The following CLIC5 variants were observed in gnomAD, a reference collection of about 807,000 sequenced individuals.
CLIC5 encodes the protein chloride intracellular channel protein 5.
In CLIC5, 20 loss-of-function variants were observed where a neutral mutation model predicts 24.7. The observed-to-expected ratio is 0.81, with a 90% CI of 0.57 to 1.18. CLIC5 has a LOEUF of 1.18. Among genes scored for constraint, CLIC5 ranks in the 50% most tolerant of loss-of-function variants. The probability of loss-of-function intolerance (pLI) is 0.00; values close to 1 mark genes in which losing one functional copy is unlikely to be tolerated. For synonymous variants in CLIC5, 159 were observed against 135.6 expected (o/e 1.17, Z -1.20); for missense variants, 341 against 326.1 (o/e 1.05, Z -0.35).
chr6:45,919,334 G>T (rs905339781), intron 4 of CLIC5, among the ~76,000 whole-genome samples: 1 of 152,116 alleles, frequency 6.6e-6, no homozygotes, highest in African/African-American at 2.4e-5. Flanking sequence ...GCGAATACAG[G>T]TTCTGCATTT....
At chr6:46,034,041 G>T (rs917358934) in intron 1 of CLIC5, among the ~76,000 whole-genome samples, 2 of 152,214 alleles carry the variant, frequency 1.3e-5, no homozygotes, top group East Asian at 3.8e-4. Context: ...CAAACACAAA[G>T]CTACTATTGG....
intron 4 of CLIC5, among the ~76,000 whole-genome samples, chr6:45,936,096 C>CATCTAAAG (rs2127358485): frequency 6.6e-6 from 1 of 151,544 alleles, no homozygotes; most frequent in East Asian, 2.0e-4. Context: ...TCGTCTTAAT[C>CATCTAAAG]ATCTAAAGAT....
intron 6 of CLIC5, among the ~76,000 whole-genome samples, chr6:45,889,264 C>T (rs1247453748): frequency 1.3e-5 from 2 of 152,162 alleles, no homozygotes; most frequent in Admixed American, 1.3e-4. Flanking sequence ...TGTATCCTCA[C>T]ATGGTGGAGG....
At chr6:46,110,026 G>C in the CLIC5 span, among the ~76,000 whole-genome samples, 1 of 152,114 alleles carries the variant, frequency 6.6e-6, no homozygotes, top group East Asian at 1.9e-4. Flanking sequence ...AGAATCCAGG[G>C]CTTGTGGCTC....
chr6:46,004,139 T>C (rs1473715472), intron 1 of CLIC5, among the ~76,000 whole-genome samples: 1 of 152,196 alleles, frequency 6.6e-6, no homozygotes. Context: ...GGAATCGATG[T>C]CATACAGGAG....
the CLIC5 span, among the ~76,000 whole-genome samples, chr6:46,113,466 T>C: frequency 6.6e-6 from 1 of 152,018 alleles, no homozygotes; most frequent in Admixed American, 6.5e-5. Context: ...GCTGTGGCTA[T>C]TAGGAAGTCA....
At chr6:45,912,667 T>C in intron 5 of CLIC5, 1 of 1,534,276 alleles carries the variant, frequency 6.5e-7, no homozygotes, top group Non-Finnish European at 8.7e-7. Flanking sequence ...GGTCTCCTGA[T>C]CTTTGCATTG....
rs151047375 is a variant in CLIC5, at chr6:46,053,413, T to G, written c.540+26290A>C. On this transcript the variant is annotated intron_variant, in intron 1 of 5. Transcript: ENST00000185206. ...TGTTTGAGCAGAACGGAGTGAGGAA[T>G]TGAGCCGTGCCCAGTTAACACTTGC... is the stretch of plus-strand genomic sequence containing the variant. Among the ~76,000 whole-genome samples the G allele has an allele frequency of 2.0e-5, 3 of 152,322 alleles. No individual in the cohort carries two copies. The East Asian group carries it at 5.8e-4, about 29-fold the overall frequency.
chr6:46,010,949 T>C lies in CLIC5; in HGVS notation c.63+4531A>G, dbSNP rs115695816. On this transcript the variant is annotated intron_variant, in intron 1 of 5. Transcript: ENST00000339561. ...GCCCAAGGTGACCAGGCAGTCACAGTAGCTCAGGGACATAGAGGCGACACC... is the reference window on the plus strand; with the variant it reads ...GCCCAAGGTGACCAGGCAGTCACAGCAGCTCAGGGACATAGAGGCGACACC... Among the ~76,000 whole-genome samples the C allele has an allele frequency of 9.7e-3, 1,476 of 152,310 alleles. 17 individuals carry two copies. The highest frequency in any genetic ancestry group is 0.032 in the African/African-American group (1,328 of 41,570).
At chr6:46,055,055 T>A (rs761999553) in intron 1 of CLIC5, among the ~76,000 whole-genome samples, 8 of 152,206 alleles carry the variant, frequency 5.3e-5, no homozygotes, top group Non-Finnish European at 1.2e-4. Flanking sequence ...CCATTGACAA[T>A]CTCATCTTCT....
At chr6:46,013,526 G>T (rs924648493) in intron 1 of CLIC5, among the ~76,000 whole-genome samples, 3 of 152,150 alleles carry the variant, frequency 2.0e-5, no homozygotes, top group Non-Finnish European at 4.4e-5. Flanking sequence ...CCATCAATCT[G>T]GTTTTTGAGC....
At chr6:45,912,034 A>G in intron 5 of CLIC5, 1 of 985,684 alleles carries the variant, frequency 1.0e-6, no homozygotes, top group Non-Finnish European at 1.2e-6. Flanking sequence ...TGAAAGCAGC[A>G]AGGGGGTAAG....
chr6:45,984,922 G>A (rs879025522), intron 1 of CLIC5, among the ~76,000 whole-genome samples: 4 of 152,176 alleles, frequency 2.6e-5, no homozygotes, highest in African/African-American at 4.8e-5. Context: ...AAACAAGGTC[G>A]GTAACTGCCA....
At chr6:45,886,250 C>T (rs931353323) in intron 6 of CLIC5, among the ~76,000 whole-genome samples, 3 of 152,194 alleles carry the variant, frequency 2.0e-5, no homozygotes, top group African/African-American at 7.2e-5. Flanking sequence ...GGTGCAGCCC[C>T]AGTCCTGACA....
chr6:46,068,490 A>G (rs1016140243), intron 1 of CLIC5, among the ~76,000 whole-genome samples: 2 of 152,106 alleles, frequency 1.3e-5, no homozygotes, highest in Non-Finnish European at 2.9e-5. Flanking sequence ...GTATATGAGA[A>G]TGGAGGCAGA....
intron 1 of CLIC5, among the ~76,000 whole-genome samples, chr6:45,983,845 C>T (rs1226979680): frequency 6.6e-6 from 1 of 152,128 alleles, no homozygotes; most frequent in African/African-American, 2.4e-5. Context: ...CAGTTATTTC[C>T]TTAATAGCAC....
At chr6:45,961,986 T>C (rs1389175882) in intron 1 of CLIC5, among the ~76,000 whole-genome samples, 8 of 151,294 alleles carry the variant, frequency 5.3e-5, no homozygotes, top group Non-Finnish European at 1.0e-4. Flanking sequence ...TTGGTCAGAG[T>C]TCTCCAGAGA....
intron 6 of CLIC5, among the ~76,000 whole-genome samples, chr6:45,886,840 G>T (rs1181712673): frequency 6.6e-6 from 1 of 152,208 alleles, no homozygotes; most frequent in African/African-American, 2.4e-5. Context: ...ACAGGATTGG[G>T]AAGTGCTGGG....
intron 1 of CLIC5, among the ~76,000 whole-genome samples, chr6:46,040,132 G>A (rs1767766204): frequency 6.6e-6 from 1 of 152,188 alleles, no homozygotes; most frequent in South Asian, 2.1e-4. Context: ...ACAGTATCTG[G>A]CACATATTGA....
Sources: gnomAD v4.1 joint callset for allele counts (sites outside exome capture counted in the v4.1 genomes callset) on GRCh38, gnomAD v4.1.1 for gene constraint, MANE v1.5 for transcripts, NCBI Gene and HGNC (gene_info 2026-07-23, HGNC 2026-07-21) for gene names.